The following XPO1 variants were observed in gnomAD, a reference collection of about 807,000 sequenced individuals.
XPO1 encodes the protein exportin-1.
A neutral mutation model predicts 133.3 loss-of-function variants in XPO1; 5 were observed. That is an observed-to-expected ratio of 0.04 (90% CI 0.02 to 0.08). XPO1 has a LOEUF of 0.08. Among genes scored for constraint, XPO1 ranks in the 10% least tolerant of loss-of-function variants. The probability of loss-of-function intolerance (pLI) is 1.00; values close to 1 mark genes in which losing one functional copy is unlikely to be tolerated. For missense variants in XPO1, 506 were observed against 1,267.5 expected, an observed-to-expected ratio of 0.40 and a Z score of 9.12; for synonymous variants, 419 against 408.2, an observed-to-expected ratio of 1.03 and a Z score of -0.32.
chr2:61,522,017 C>T (rs371989905), intron 4 of XPO1, among the ~76,000 whole-genome samples: 3 of 152,254 alleles, frequency 2.0e-5, no homozygotes, highest in African/African-American at 7.2e-5. Flanking sequence ...TTCAGCCTCA[C>T]GAAGTCCTGG....
chr2:61,510,483 A>G (rs758791550), intron 4 of XPO1, among the ~76,000 whole-genome samples: 9 of 152,212 alleles, frequency 5.9e-5, no homozygotes, highest in Non-Finnish European at 1.3e-4. Context: ...TCCCACAGAT[A>G]ATCTATAATT....
chr2:61,504,200 G>A (rs1697684592), intron 4 of XPO1, among the ~76,000 whole-genome samples: 1 of 152,104 alleles, frequency 6.6e-6, no homozygotes, highest in South Asian at 2.1e-4. Flanking sequence ...CTTTACTTAT[G>A]GATCTCTTCA....
Position 61,501,962 on chromosome 2 carries a change from T to G in XPO1, c.408+34A>C. ...CATTTTGTTCAAATAATAAGCATAA[T>G]TCTTCTAAGGAAAACAGTTAAGTTA... On this transcript the variant is annotated intron_variant, in intron 6 of 24. Transcript: ENST00000401558. The G allele has an allele frequency of 3.3e-6, 5 of 1,536,600 alleles. No individual in the cohort carries two copies. The South Asian group carries it at 5.9e-5, about 18-fold the overall frequency.
At chr2:61,479,479 G>A (rs1696227524) in intron 24 of XPO1, among the ~76,000 whole-genome samples, 1 of 152,050 alleles carries the variant, frequency 6.6e-6, no homozygotes, top group Non-Finnish European at 1.5e-5. Context: ...AAAATGGTGT[G>A]ATACCTTACA....
intron 19 of XPO1, among the ~76,000 whole-genome samples, chr2:61,486,423 T>C (rs1030232978): frequency 7.2e-5 from 11 of 151,766 alleles, no homozygotes; most frequent in African/African-American, 2.4e-4. Flanking sequence ...CTACGTATAC[T>C]GTATATGTAA....
At position 61,488,189 on chromosome 2, in the gene XPO1, C is replaced by T. The variant is rs7597290; in HGVS notation, c.2289G>A (p.Val763=). Residue 763 remains valine, a synonymous_variant, in exon 19 of 25, where the codon GTG becomes GTA. Coordinates refer to ENST00000401558, the MANE Select transcript of XPO1 (RefSeq NM_003400.4). ...RETLKLISGW[V]SRSNDPQMVA... ...CCATCTGTGGATCATTGGATCGGCT[C>T]ACCCAACCAGATATTAACTTTAAAG... 9,681 of 1,613,964 alleles carry T rather than the reference C, an allele frequency of 6.0e-3. 508 individuals carry two copies. The African/African-American group carries it at 0.11, about 19-fold the overall frequency.
chr2:61,509,159 G>A (rs911187244), intron 4 of XPO1, among the ~76,000 whole-genome samples: 2 of 150,746 alleles, frequency 1.3e-5, no homozygotes, highest in East Asian at 1.9e-4. Flanking sequence ...CCGTCACCAC[G>A]CCCAGCTGAT....
At position 61,538,278 on chromosome 2, in the gene XPO1, C is replaced by T; in HGVS notation, c.-723G>A. 6.3e-6 allele frequency: 1 copy of T among 158,102 alleles called. No individual in the cohort carries two copies. Among genetic ancestry groups the T allele is most frequent in the Non-Finnish European group, 1.4e-5 (1 of 71,658 alleles). The allele number at this position is 158,102 out of a possible 1,614,324, so 9.8% of individuals were successfully genotyped here. A position where few individuals can be genotyped will look rare whatever the true frequency, so the allele number is the denominator to read the frequency against. ...CCTCCTAGTGCCTCAAACTCGGAAC[C>T]GGTTGAAACCGGTTCAGACTGGGAG... On this transcript the variant is annotated 5_prime_UTR_variant, in exon 1 of 25. Coordinates refer to ENST00000401558, the MANE Select transcript of XPO1 (RefSeq NM_003400.4).
intron 23 of XPO1, among the ~76,000 whole-genome samples, chr2:61,481,635 G>A (rs1012182234): frequency 6.6e-6 from 1 of 151,436 alleles, no homozygotes; most frequent in Non-Finnish European, 1.5e-5. Flanking sequence ...AGTAGAGACA[G>A]GGTTTCTCCA....
intron 16 of XPO1, among the ~76,000 whole-genome samples, chr2:61,491,398 C>T (rs1285401901): frequency 6.6e-6 from 1 of 150,620 alleles, no homozygotes; most frequent in Non-Finnish European, 1.5e-5. Flanking sequence ...CTGCAGTGAG[C>T]CGAGATTGCG....
At chr2:61,512,433 G>C (rs1698141427) in intron 4 of XPO1, among the ~76,000 whole-genome samples, 1 of 152,212 alleles carries the variant, frequency 6.6e-6, no homozygotes, top group South Asian at 2.1e-4. Context: ...AAAAGCAGCA[G>C]AAATGTTAAA....
Position 61,499,698 on chromosome 2 carries a change from A to AT in XPO1, c.590+14dup. 6.4e-7 allele frequency: 1 copy of AT among 1,557,346 alleles called. No homozygotes were observed. Among genetic ancestry groups the AT allele is most frequent in the Non-Finnish European group, 8.6e-7 (1 of 1,158,750 alleles). ...AGAAATCACTTTAAAATTCTAAAAC[A>AT]TAATTATTACTTGCCTGTCTTTTAA... On this transcript the variant is annotated intron_variant, in intron 7 of 24. Coordinates refer to ENST00000401558, the MANE Select transcript of XPO1 (RefSeq NM_003400.4).
chr2:61,507,685 C>G (rs976945284), intron 4 of XPO1, among the ~76,000 whole-genome samples: 13 of 152,136 alleles, frequency 8.5e-5, no homozygotes, highest in African/African-American at 3.1e-4. Context: ...CGAGACCAGC[C>G]TGGCCAACAT....
At chr2:61,528,003 T>C (rs1222818858) in intron 2 of XPO1, among the ~76,000 whole-genome samples, 1 of 151,654 alleles carries the variant, frequency 6.6e-6, no homozygotes, top group Non-Finnish European at 1.5e-5. Context: ...CTCGACTCAC[T>C]GCAACCTTCA....
At chr2:61,479,248 TG>T (rs1696210194) in intron 24 of XPO1, among the ~76,000 whole-genome samples, 1 of 152,000 alleles carries the variant, frequency 6.6e-6, no homozygotes, top group Admixed American at 6.6e-5. Flanking sequence ...GAAGAATACT[TG>T]ATGTCAGGAG....
intron 4 of XPO1, among the ~76,000 whole-genome samples, chr2:61,506,958 G>C (rs563632715): frequency 3.7e-4 from 57 of 152,056 alleles, no homozygotes; most frequent in Non-Finnish European, 7.6e-4. Flanking sequence ...GGCCGGGCGC[G>C]GTGGCTCACA....
chr2:61,526,567 T>C (rs770941577), intron 2 of XPO1, 46 bp from the exon 3 acceptor site: 4 of 1,407,618 alleles, frequency 2.8e-6, no homozygotes, highest in Non-Finnish European at 3.8e-6. Flanking sequence ...ATGTATTCTT[T>C]TGAATCATTC....
At chr2:61,532,361 T>C (rs549786364) in intron 2 of XPO1, among the ~76,000 whole-genome samples, 6 of 152,008 alleles carry the variant, frequency 3.9e-5, no homozygotes, top group South Asian at 2.1e-4. Context: ...TCTCCTGACC[T>C]CGTCATCCGC....
At chr2:61,482,034 C>CTTTTTTTT (rs1195049382) in intron 23 of XPO1, among the ~76,000 whole-genome samples, 10 of 71,388 alleles carry the variant, frequency 1.4e-4, no homozygotes, top group African/African-American at 2.0e-4. Flanking sequence ...CGTGCGTGGC[C>CTTTTTTTT]TTTTTTTTTT....
Sources: allele counts gnomAD v4.1 joint callset (sites outside exome capture counted in the v4.1 genomes callset), GRCh38; gene constraint gnomAD v4.1.1; transcripts MANE v1.5; gene names NCBI Gene and HGNC (gene_info 2026-07-23, HGNC 2026-07-21).